The following GDF1 variants were observed in gnomAD, a reference collection of about 807,000 sequenced individuals.
GDF1 encodes the protein embryonic growth/differentiation factor 1.
GDF1 carries 8 observed loss-of-function variants against 7.4 expected under a neutral mutation model. The observed-to-expected ratio is 1.09, with a 90% CI of 0.64 to 1.96. The LOEUF (loss-of-function observed/expected upper bound fraction) is 1.96, where lower values mean the gene tolerates loss of function less well. Ranked by LOEUF, GDF1 falls within the 30% of genes most tolerant of loss-of-function variation. The probability of loss-of-function intolerance (pLI) is 0.00; values close to 1 mark genes in which losing one functional copy is unlikely to be tolerated. For missense variants in GDF1, 574 were observed against 551.5 expected (o/e 1.04, Z -0.41); for synonymous variants, 311 against 276.7 (o/e 1.12, Z -1.23).
At position 18,879,221 on chromosome 19, in the gene GDF1, G is replaced by A. The variant is rs1296690347; in HGVS notation, c.-423+20C>T. On this transcript the variant is annotated intron_variant, in intron 5 of 7. Transcript: ENST00000247005. ...CGAGGACGGGACCGCCACTGTGGAG[G>A]AGAGCCGGGGCCGACTCACCAGGAA... 2.5e-6 allele frequency: 4 copies of A among 1,613,274 alleles called. No individual in the cohort carries two copies. The highest frequency in any genetic ancestry group is 3.4e-6 in the Non-Finnish European group (4 of 1,179,714).
At chr19:18,894,502 A>C (rs559876302) in intron 1 of GDF1, among the ~76,000 whole-genome samples, 1 of 151,898 alleles carries the variant, frequency 6.6e-6, no homozygotes, top group Non-Finnish European at 1.5e-5. Flanking sequence ...CGAGCACCCC[A>C]CCCAAGGGGC....
intron 2 of GDF1, among the ~76,000 whole-genome samples, chr19:18,890,658 G>A (rs749450526): frequency 2.0e-4 from 31 of 151,526 alleles, no homozygotes; most frequent in Non-Finnish European, 4.4e-4. Flanking sequence ...GCACACACCT[G>A]TGGTCCCAGC....
chr19:18,886,661 A>C (rs917397740), intron 2 of GDF1, among the ~76,000 whole-genome samples: 1 of 151,582 alleles, frequency 6.6e-6, no homozygotes, highest in African/African-American at 2.4e-5. Flanking sequence ...TTCTCTGGCC[A>C]CTCCCTTTCT....
Position 18,878,803 on chromosome 19 carries a change from G to A in GDF1, c.-313+127C>T. The A allele has an allele frequency of 6.8e-7, 1 of 1,480,912 alleles. No homozygotes were observed. 91.7% of individuals were successfully genotyped at this position (1,480,912 alleles called of 1,614,324 possible). A position where few individuals can be genotyped will look rare whatever the true frequency, so the allele number is the denominator to read the frequency against. On this transcript the variant is annotated intron_variant, in intron 6 of 7. Transcript: ENST00000247005. This position sits in a 1 kb window ranked among gnomAD's most constrained non-coding sequence, Gnocchi z 4.6. The stretch of plus-strand genomic sequence containing the variant: ...CCTTTATTGCAGTCTCTGTTTTGGA[G>A]TAGGCTTGGGGGGCAGCATCCGCGT...
Position 18,868,585 on chromosome 19 carries a change from G to A in GDF1, c.*12C>T. ...CATTTATTGTTGGGCCCGCGTCCCT[G>A]CCCGCCCCGGGTTAGCGGCAGCCGC... On this transcript the variant is annotated 3_prime_UTR_variant, in exon 8 of 8. Transcript: ENST00000247005. The A allele has an allele frequency of 1.3e-6, 2 of 1,545,254 alleles. No homozygotes were observed. Among genetic ancestry groups the A allele is most frequent in the Non-Finnish European group, 1.8e-6 (2 of 1,141,340 alleles).
At chr19:18,872,702 G>T (rs370568989) in intron 6 of GDF1, among the ~76,000 whole-genome samples, 69,551 of 151,764 alleles carry the variant, frequency 0.46, 16,135 homozygotes, top group South Asian at 0.6. Context: ...TTTTAGTAGA[G>T]ATGCGGTTTT....
intron 6 of GDF1, among the ~76,000 whole-genome samples, chr19:18,875,830 G>A (rs1360832480): frequency 6.6e-6 from 1 of 152,128 alleles, no homozygotes; most frequent in African/African-American, 2.4e-5. Flanking sequence ...ACTGAGACTG[G>A]AGCAATGCAG....
intron 2 of GDF1, among the ~76,000 whole-genome samples, chr19:18,885,509 T>G (rs1306224509): frequency 2.7e-5 from 1 of 36,762 alleles, no homozygotes; most frequent in Non-Finnish European, 7.3e-5. Flanking sequence ...GCGCCCCTTC[T>G]CGTTTTTTTT....
Position 18,873,854 on chromosome 19 carries a change from AAAG to A in GDF1, c.-312-3238_-312-3236del, listed in dbSNP as rs1310534782. Among the ~76,000 whole-genome samples, 119 of 151,432 alleles carry A rather than the reference AAAG, an allele frequency of 7.9e-4. 2 individuals carry two copies. The highest frequency in any genetic ancestry group is 6.5e-3 in the South Asian group (31 of 4,794). On this transcript the variant is annotated intron_variant, in intron 6 of 7. Coordinates refer to ENST00000247005, the MANE Select transcript of GDF1 (RefSeq NM_001492.6). The stretch of plus-strand genomic sequence containing the variant: ...AGACTCTGTCTCGAAAAAAAAAAAA[AAAG>A]AAGAAGAAGGGGAGGGGACTCTCTG...
intron 3 of GDF1, among the ~76,000 whole-genome samples, chr19:18,881,042 A>T (rs749149434): frequency 1.1e-4 from 17 of 150,304 alleles, no homozygotes; most frequent in Admixed American, 3.3e-4. Flanking sequence ...GTGACCTCTG[A>T]CCCTCTATGA....
Position 18,893,453 on chromosome 19 carries a change from G to A in GDF1, c.-951C>T, listed in dbSNP as rs775331416. 5 of 1,606,562 alleles carry A rather than the reference G, an allele frequency of 3.1e-6. No individual in the cohort carries two copies. In the South Asian group the frequency reaches 5.6e-5, roughly 18 times the overall value. On this transcript the variant is annotated 5_prime_UTR_variant, in exon 2 of 8. Transcript: ENST00000247005. ...ATGGTGGGTCATGGAAGAAGGGGTA[G>A]TCGGTGCCAAACAGCAGGTAGGCAC... is the stretch of plus-strand genomic sequence containing the variant.
chr19:18,887,839 A>G (rs1455799656), intron 2 of GDF1, among the ~76,000 whole-genome samples: 1 of 151,966 alleles, frequency 6.6e-6, no homozygotes, highest in Non-Finnish European at 1.5e-5. Context: ...AACCATCACC[A>G]GCAGCCATCT....
At chr19:18,886,030 G>A (rs1191315330) in intron 2 of GDF1, among the ~76,000 whole-genome samples, 1 of 152,078 alleles carries the variant, frequency 6.6e-6, no homozygotes, top group East Asian at 1.9e-4. Context: ...CAGGTGATGG[G>A]TGACACACCA....
Position 18,884,887 on chromosome 19 carries a change from T to C in GDF1, c.-913-620A>G, listed in dbSNP as rs2056312928. ...GGACACCATGCCCGGCTAATTTTTT[T>C]GTATTTTTAGTAGAGATGGGCTTTT... On this transcript the variant is annotated intron_variant, in intron 2 of 7. Transcript: ENST00000247005. 1.3e-5 allele frequency among the ~76,000 whole-genome samples: 2 copies of C among 151,706 alleles called. 1 individual carries two copies. Among genetic ancestry groups the C allele is most frequent in the South Asian group, 4.2e-4 (2 of 4,804 alleles).
intron 7 of GDF1, 32 bp from the exon 8 acceptor site, chr19:18,869,422 G>A (rs757870806): frequency 6.6e-7 from 1 of 1,522,502 alleles, no homozygotes; most frequent in Admixed American, 2.0e-5. Context: ...CTCGGCTCGC[G>A]CTGCGTCCCC....
Position 18,878,630 on chromosome 19 carries a change from T to C in GDF1, c.-313+300A>G. ...TCCTCACCACCCACAGGGCCCTGGC[T>C]CGCCACTCCCGCCACACCAGCCACT... On this transcript the variant is annotated intron_variant, in intron 6 of 7. Coordinates refer to ENST00000247005, the MANE Select transcript of GDF1 (RefSeq NM_001492.6). This position sits in a 1 kb window ranked among gnomAD's most constrained non-coding sequence, Gnocchi z 4.6. The C allele has an allele frequency of 8.3e-7, 1 of 1,210,388 alleles. No homozygotes were observed. Among genetic ancestry groups the C allele is most frequent in the Admixed American group, 3.8e-5 (1 of 25,980 alleles). 75.0% of individuals were successfully genotyped at this position (1,210,388 alleles called of 1,614,324 possible). A position where few individuals can be genotyped will look rare whatever the true frequency, so the allele number is the denominator to read the frequency against.
At chr19:18,884,508 A>C (rs535872903) in intron 2 of GDF1, among the ~76,000 whole-genome samples, 1 of 151,684 alleles carries the variant, frequency 6.6e-6, no homozygotes, top group African/African-American at 2.4e-5. Context: ...CCTGGGTTCA[A>C]ACGATTCTCC....
Position 18,878,012 on chromosome 19 carries a change from C to T in GDF1, c.-313+918G>A. Reference sequence around the variant, plus strand: ...GGGTGGGGGGTCTGACGCTCCTCTGCCTGGCTACAGCCCCGGATGTGTTAA... The same window carrying T: ...GGGTGGGGGGTCTGACGCTCCTCTGTCTGGCTACAGCCCCGGATGTGTTAA... On this transcript the variant is annotated intron_variant, in intron 6 of 7. Transcript: ENST00000247005. The surrounding 1 kb of genome is among the most constrained non-coding windows in gnomAD (Gnocchi z 4.6). 1 of 985,494 alleles carries T rather than the reference C, an allele frequency of 1.0e-6. No homozygotes were observed. The highest frequency in any genetic ancestry group is 1.2e-6 in the Non-Finnish European group (1 of 829,962). The allele number at this position is 985,494 out of a possible 1,614,324, so 61.0% of individuals were successfully genotyped here. A position where few individuals can be genotyped will look rare whatever the true frequency, so the allele number is the denominator to read the frequency against.
chr19:18,870,337 G>A lies in GDF1; in HGVS notation c.-30C>T. 6.5e-7 allele frequency: 1 copy of A among 1,543,298 alleles called. No individual in the cohort carries two copies. The highest frequency in any genetic ancestry group is 1.2e-5 in the South Asian group (1 of 83,776). Reference sequence around the variant, plus strand: ...CTCCCAGGCGATGACCAGAGAGTGCGCAGGGTCCGCGGCGGCCCGGGACCA... The same window carrying A: ...CTCCCAGGCGATGACCAGAGAGTGCACAGGGTCCGCGGCGGCCCGGGACCA... On this transcript the variant is annotated 5_prime_UTR_variant, in exon 7 of 8. Transcript: ENST00000247005. The surrounding 1 kb of genome is among the most constrained non-coding windows in gnomAD (Gnocchi z 5.1).
Sources: gnomAD v4.1 joint callset for allele counts (sites outside exome capture counted in the v4.1 genomes callset) on GRCh38, gnomAD v4.1.1 for gene constraint, Gnocchi (gnomAD v3.1) non-coding constraint, MANE v1.5 for transcripts, NCBI Gene and HGNC (gene_info 2026-07-23, HGNC 2026-07-21) for gene names.